CENPE: variants seen among roughly 807,000 people sequenced by gnomAD.
CENPE encodes the protein centromere protein E.
In CENPE, 145 loss-of-function variants were observed where a neutral mutation model predicts 336.1. That is an observed-to-expected ratio of 0.43 (90% CI 0.38 to 0.50). The LOEUF (loss-of-function observed/expected upper bound fraction) is 0.50, where lower values mean the gene tolerates loss of function less well. Ranked by LOEUF, CENPE falls within the 20% of genes least tolerant of loss-of-function variation. The pLI is 0.00. For synonymous variants in CENPE, 1,013 were observed against 984.8 expected (o/e 1.03, Z -0.54); for missense variants, 2,719 against 3,023.3 (o/e 0.90, Z 2.36).
rs1319407195 is a variant in CENPE, at chr4:103,145,274, C to T, written c.4633G>A (p.Glu1545Lys). ...AATTGTTTCAGTTCATTCACTTTTT[C>T]CTGAACCTCACTAATTTGTTTTATA... ...FNIKQISEVQ[E>K]KVNELKQFKE... The change falls in exon 32 of 49, where the codon GAA (glutamate) becomes AAA (lysine). Residue 1545 changes from glutamate (E) to lysine (K), a missense_variant. Glu to Lys is a moderately conservative substitution (Grantham distance 56). This residue lies in a region of CENPE where 2,437 missense variants were observed against 2,513.3 expected (regional missense o/e 0.97). Coordinates refer to ENST00000265148, the MANE Select transcript of CENPE (RefSeq NM_001813.3). 6.2e-7 allele frequency: 1 copy of T among 1,608,384 alleles called. No individual in the cohort carries two copies. Among genetic ancestry groups the T allele is most frequent in the Admixed American group, 1.7e-5 (1 of 59,900 alleles).
chr4:103,172,433 T>G (rs1029424895), intron 16 of CENPE, among the ~76,000 whole-genome samples: 1 of 151,966 alleles, frequency 6.6e-6, no homozygotes, highest in African/African-American at 2.4e-5. Context: ...TAATTAGGTA[T>G]AGAAGTGATA....
intron 43 of CENPE, among the ~76,000 whole-genome samples, chr4:103,121,536 C>T (rs1005989752): frequency 1.3e-5 from 2 of 148,740 alleles, no homozygotes; most frequent in African/African-American, 4.9e-5. Context: ...AGCAAACCAT[C>T]TTTTCTTTCT....
chr4:103,176,591 T>C (rs1305924282), intron 14 of CENPE, among the ~76,000 whole-genome samples: 1 of 152,158 alleles, frequency 6.6e-6, no homozygotes, highest in East Asian at 1.9e-4. Context: ...GAGACAGAGT[T>C]TCACTCTTGT....
chr4:103,175,054 GATT>G (rs1355085645), intron 15 of CENPE, 151 bp from the exon 16 acceptor site: 1 of 484,370 alleles, frequency 2.1e-6, no homozygotes, highest in Non-Finnish European at 3.5e-6. Flanking sequence ...ACTTAGAATA[GATT>G]ATTTTGAAAG....
chr4:103,132,112 A>C (rs1225025208), intron 42 of CENPE, among the ~76,000 whole-genome samples: 1 of 152,184 alleles, frequency 6.6e-6, no homozygotes, highest in Non-Finnish European at 1.5e-5. Flanking sequence ...CTCTTGGGTG[A>C]TAATGATGTA....
chr4:103,161,465 G>A lies in CENPE; in HGVS notation c.1843-8C>T. On this transcript the variant is annotated splice_polypyrimidine_tract_variant and splice_region_variant and intron_variant, in intron 18 of 48. Coordinates refer to ENST00000265148, the MANE Select transcript of CENPE (RefSeq NM_001813.3). ...TGGGTCTTCAATGCTTTCCTAGACA[G>A]ATGACAAAAGGGGTTCACTGAAATC... 2.6e-6 allele frequency: 4 copies of A among 1,568,390 alleles called. No homozygotes were observed. Among genetic ancestry groups the A allele is most frequent in the Non-Finnish European group, 3.4e-6 (4 of 1,162,720 alleles).
In CENPE at chr4:103,106,263, C is replaced by A. The variant is rs1039662971; in HGVS notation, c.8065G>T (p.Ala2689Ser). ...TCAGGCACATCCTTGCCTGAGGAGGCGTGCCAAGGACCTGGCTGAGAATCC... is the reference window on the plus strand; with the variant it reads ...TCAGGCACATCCTTGCCTGAGGAGGAGTGCCAAGGACCTGGCTGAGAATCC... ...SVDSQPGPWH[A>S]SSGKDVPECK... is the part of the protein sequence containing the mutation. The change falls in exon 49 of 49, where the codon GCC becomes TCC. Residue 2689 changes from alanine to serine, a missense_variant. This residue lies in a region of CENPE where 2,437 missense variants were observed against 2,513.3 expected (regional missense o/e 0.97). Transcript: ENST00000265148. 6.2e-7 allele frequency: 1 copy of A among 1,601,426 alleles called. No homozygotes were observed.
At chr4:103,167,334 G>A (rs1755008225) in intron 16 of CENPE, among the ~76,000 whole-genome samples, 2 of 152,162 alleles carry the variant, frequency 1.3e-5, no homozygotes, top group African/African-American at 4.8e-5. Context: ...CCATCAAGAG[G>A]TAGATACACC....
intron 8 of CENPE, among the ~76,000 whole-genome samples, chr4:103,193,718 T>TCA (rs1757533671): frequency 6.6e-6 from 1 of 152,098 alleles, no homozygotes; most frequent in Admixed American, 6.5e-5. Flanking sequence ...GAATGCAGTA[T>TCA]CACTCCTCAA....
chr4:103,144,217 C>G, intron 33 of CENPE, 114 bp downstream of exon 33: 1 of 827,122 alleles, frequency 1.2e-6, no homozygotes, highest in Non-Finnish European at 1.8e-6. Context: ...ATTACCGGCT[C>G]GAGCCACCGC....
At chr4:103,177,195 T>C in intron 13 of CENPE, 149 bp from the exon 14 acceptor site, 1 of 593,098 alleles carries the variant, frequency 1.7e-6, no homozygotes, top group Non-Finnish European at 2.8e-6. Flanking sequence ...AGGATATTGC[T>C]TAAAAAAAAA....
At position 103,182,896 on chromosome 4, in the gene CENPE, G is replaced by A. The variant is rs532865688; in HGVS notation, c.834-5C>T. Reference sequence around the variant, plus strand: ...TCTCGATAATTTATGAAACCACTTAGCAAGGAATAAGTTTACAGGAGAAAA... The same window carrying A: ...TCTCGATAATTTATGAAACCACTTAACAAGGAATAAGTTTACAGGAGAAAA... On this transcript the variant is annotated splice_region_variant and splice_polypyrimidine_tract_variant and intron_variant, in intron 10 of 48. Transcript: ENST00000265148. 52 of 1,610,802 alleles carry A rather than the reference G, an allele frequency of 3.2e-5. No individual in the cohort carries two copies. The South Asian group carries it at 5.3e-4, about 16-fold the overall frequency.
rs752468903 is a variant in CENPE at position 103,147,397 on chromosome 4, G to A, written c.4093C>T (p.His1365Tyr). ...CTAATATGTTCTTTCAGCTGGTCAT[G>A]TTTAACTTCAAGGGCTTCTTTTATC... ...KTIKEALEVK[H>Y]DQLKEHIRET... Residue 1365 changes from histidine to tyrosine, a missense_variant, in exon 29 of 49, where the codon CAT (histidine) becomes TAT (tyrosine). By Grantham distance (83) the His-to-Tyr change is moderately conservative (BLOSUM62 2). Transcript: ENST00000265148. The A allele has an allele frequency of 3.7e-6, 6 of 1,611,956 alleles. No homozygotes were observed. Among genetic ancestry groups the A allele is most frequent in the Admixed American group, 1.7e-5 (1 of 59,720 alleles).
At chr4:103,109,571 C>T (rs983892255) in intron 47 of CENPE, among the ~76,000 whole-genome samples, 10 of 152,266 alleles carry the variant, frequency 6.6e-5, no homozygotes, top group South Asian at 4.1e-4. Flanking sequence ...CGGAGAGAAA[C>T]CTGGGAAGCA....
rs113518687 is a variant in CENPE, at chr4:103,186,132, A to T, written c.694-271T>A. ...ACTATGGCAAATATAATTCTTTATA[A>T]GCTGGCACTTGCACTGCTCCAACTT... is the stretch of plus-strand genomic sequence containing the variant. On this transcript the variant is annotated intron_variant, in intron 8 of 48. Transcript: ENST00000265148. Among the ~76,000 whole-genome samples, 1,904 of 152,254 alleles carry T rather than the reference A, an allele frequency of 0.013. 35 individuals carry two copies. Among genetic ancestry groups the T allele is most frequent in the African/African-American group, 0.041 (1,686 of 41,542 alleles).
chr4:103,151,161 T>G, intron 26 of CENPE, 58 bp downstream of exon 26: 1 of 1,514,900 alleles, frequency 6.6e-7, no homozygotes, highest in Non-Finnish European at 8.9e-7. Context: ...AAATAAAAAT[T>G]ACCAAAAAAA....
chr4:103,174,681 A>G (rs1755703999), intron 16 of CENPE, 55 bp downstream of exon 16: 1 of 1,234,554 alleles, frequency 8.1e-7, no homozygotes, highest in Non-Finnish European at 1.1e-6. Flanking sequence ...AAAAAAGAGA[A>G]TACTTCTTTT....
chr4:103,140,340 A>T lies in CENPE; in HGVS notation c.5829T>A (p.Leu1943=). 6.2e-7 allele frequency: 1 copy of T among 1,606,526 alleles called. No individual in the cohort carries two copies. Among genetic ancestry groups the T allele is most frequent in the Non-Finnish European group, 8.5e-7 (1 of 1,175,578 alleles). The change falls in exon 37 of 49, where the codon CTT becomes CTA. Residue 1943 remains leucine, a synonymous_variant. Transcript: ENST00000265148. ...TTGTCTTTTCTGAAATTTTTTCTCT[A>T]AGTTTATCAACAGTTTCTTTGTGTT... ...SKEHKETVDK[L]REKISEKTIQ...
chr4:103,126,527 C>CA (rs907160973), intron 42 of CENPE, among the ~76,000 whole-genome samples: 33 of 151,378 alleles, frequency 2.2e-4, no homozygotes, highest in African/African-American at 5.8e-4. Flanking sequence ...TGCTTTTCAG[C>CA]AAAAAAAATT....
Sources: gnomAD v4.1 joint callset for allele counts (sites outside exome capture counted in the v4.1 genomes callset) on GRCh38, gnomAD v4.1.1 for gene constraint, gnomAD v4.1.1 regional missense constraint, MANE v1.5 for transcripts, NCBI Gene and HGNC (gene_info 2026-07-23, HGNC 2026-07-21) for gene names.